The following PHRF1 variants were observed in gnomAD, a reference collection of about 807,000 sequenced individuals.
The protein encoded by PHRF1 is PHD and RING finger domain-containing protein 1.
A neutral mutation model predicts 128.9 loss-of-function variants in PHRF1; 53 were observed. The ratio of observed to expected loss-of-function variants is 0.41; its 90% CI spans 0.33 to 0.52. PHRF1 has a LOEUF of 0.52. Among genes scored for constraint, PHRF1 ranks in the 20% least tolerant of loss-of-function variants. The pLI, the probability that PHRF1 is intolerant of heterozygous loss-of-function variation, is 0.21. For synonymous variants in PHRF1, 1,178 were observed against 980.6 expected, an observed-to-expected ratio of 1.20 and a Z score of -3.76; for missense variants, 2,503 against 2,284.5, an observed-to-expected ratio of 1.10 and a Z score of -1.95.
At chr11:590,512 C>T (rs12295981) in intron 4 of PHRF1, among the ~76,000 whole-genome samples, 15 of 151,974 alleles carry the variant, frequency 9.9e-5, no homozygotes, top group African/African-American at 2.4e-4. Flanking sequence ...GGGAAGGGCC[C>T]GAAGACCAGG....
At position 596,967 on chromosome 11, in the gene PHRF1, T is replaced by C; in HGVS notation, c.665T>C (p.Val222Ala). The C allele has an allele frequency of 6.2e-7, 1 of 1,613,808 alleles. No individual in the cohort carries two copies. The change falls in exon 7 of 18, where the codon GTG (valine) becomes GCG (alanine). Residue 222 changes from valine to alanine, a missense_variant. Val to Ala is a moderately conservative substitution (Grantham distance 64). Transcript: ENST00000264555. ...CLDPPLQEVP[V>A]DEWFCPECAA... ...GACCCCCCTCTCCAGGAGGTGCCGG[T>C]GGACGAGTGGTTCTGCCCGGAATGT...
At chr11:581,826 C>T (rs1359545947) in intron 2 of PHRF1, 136 bp from the exon 3 acceptor site, 4 of 1,309,346 alleles carry the variant, frequency 3.1e-6, no homozygotes, top group South Asian at 3.1e-5. Flanking sequence ...CTTGTGCCCC[C>T]ACCTTGCCGG....
intron 9 of PHRF1, among the ~76,000 whole-genome samples, chr11:599,211 CTG>C (rs1289955302): frequency 6.7e-6 from 1 of 150,020 alleles, no homozygotes; most frequent in Non-Finnish European, 1.5e-5. Context: ...TAGAAATTAA[CTG>C]TATTGAAGCA....
chr11:608,600 G>A lies in PHRF1; in HGVS notation c.3144G>A (p.Lys1048=). ...GEERPRRQRS[K]AKSRRSSSDR... is the part of the protein sequence containing the mutation. The stretch of plus-strand genomic sequence containing the variant: ...AGCGCCCCAGGAGGCAGCGGTCCAA[G>A]GCCAAGAGCCGGCGGTCCTCCAGTG... Residue 1048 remains lysine, a synonymous_variant, in exon 14 of 18, where the codon AAG becomes AAA. Coordinates refer to ENST00000264555, the MANE Select transcript of PHRF1 (RefSeq NM_001286581.2). 1 of 1,612,286 alleles carries A rather than the reference G, an allele frequency of 6.2e-7. No individual in the cohort carries two copies. Among genetic ancestry groups the A allele is most frequent in the African/African-American group, 1.3e-5 (1 of 75,056 alleles).
chr11:598,205 C>G (rs12419720), intron 8 of PHRF1, among the ~76,000 whole-genome samples, 168 bp from the exon 9 acceptor site: 36,210 of 152,172 alleles, frequency 0.24, 4,647 homozygotes, highest in African/African-American at 0.32. Flanking sequence ...TTGGCAGCCT[C>G]TGGCAGGGGA....
chr11:608,352 G>T lies in PHRF1; in HGVS notation c.2896G>T (p.Val966Leu), dbSNP rs1428290442. The change falls in exon 14 of 18, where the codon GTG becomes TTG. Residue 966 changes from valine to leucine, a missense_variant. Coordinates refer to ENST00000264555, the MANE Select transcript of PHRF1 (RefSeq NM_001286581.2). The stretch of plus-strand genomic sequence containing the variant: ...GCGGACGGTGACCTGTGTGACTGTC[G>T]TGGAGCCGGAAGCCCCACCCAGCCC... ...EERTVTCVTV[V>L]EPEAPPSPDV... The T allele has an allele frequency of 3.7e-6, 6 of 1,610,068 alleles. No homozygotes were observed. The African/African-American group carries it at 6.7e-5, about 18-fold the overall frequency.
At chr11:580,105 G>A (rs1299660249) in intron 1 of PHRF1, among the ~76,000 whole-genome samples, 5 of 152,200 alleles carry the variant, frequency 3.3e-5, no homozygotes, top group African/African-American at 9.7e-5. Context: ...ATCATGGATG[G>A]AGGTTGGACT....
At chr11:592,475 T>G in intron 5 of PHRF1, 84 bp from the exon 6 acceptor site, 3 of 1,359,218 alleles carry the variant, frequency 2.2e-6, no homozygotes, top group Non-Finnish European at 3.2e-6. Flanking sequence ...AATGGGTGGA[T>G]TCTGGATTAA....
At chr11:577,230 C>T (rs1853920757) in intron 1 of PHRF1, among the ~76,000 whole-genome samples, 2 of 152,304 alleles carry the variant, frequency 1.3e-5, no homozygotes, top group African/African-American at 4.8e-5. Context: ...GATTGGAGCC[C>T]AGAAAGGCTA....
Position 611,732 on chromosome 11 carries a change from A to G in PHRF1, c.4905A>G (p.Lys1635=). The change falls in exon 18 of 18, where the codon AAA becomes AAG. Residue 1635 remains lysine, a synonymous_variant. Transcript: ENST00000264555. ...DKYRHMRRHK[K]PEAGEEPPTQ... ...ACAGGCACATGCGCAGGCACAAGAAACCAGAGGCCGGGGAGGAGCCGCCCA... is the reference window on the plus strand; with the variant it reads ...ACAGGCACATGCGCAGGCACAAGAAGCCAGAGGCCGGGGAGGAGCCGCCCA... 6.2e-7 allele frequency: 1 copy of G among 1,612,610 alleles called. No individual in the cohort carries two copies. Among genetic ancestry groups the G allele is most frequent in the Non-Finnish European group, 8.5e-7 (1 of 1,179,692 alleles).
intron 1 of PHRF1, 59 bp from the exon 2 acceptor site, chr11:581,433 C>T (rs1209360897): frequency 6.7e-7 from 1 of 1,491,424 alleles, no homozygotes; most frequent in East Asian, 2.3e-5. Flanking sequence ...CATAACTCTT[C>T]AGAGGGTTCT....
rs1287409488 is a variant in PHRF1 at position 607,136 on chromosome 11, G to A, written c.1680G>A (p.Gln560=). ...RGEEGFKGCL[Q]PRALPSGSPA... Reference sequence around the variant, plus strand: ...AAGAAGGATTCAAGGGCTGCCTGCAGCCCCGAGCACTGCCCTCCGGGAGCC... The same window carrying A: ...AAGAAGGATTCAAGGGCTGCCTGCAACCCCGAGCACTGCCCTCCGGGAGCC... Residue 560 remains glutamine, a synonymous_variant, in exon 14 of 18, where the codon CAG becomes CAA. Coordinates refer to ENST00000264555, the MANE Select transcript of PHRF1 (RefSeq NM_001286581.2). The A allele has an allele frequency of 1.9e-6, 3 of 1,612,824 alleles. No homozygotes were observed. Among genetic ancestry groups the A allele is most frequent in the African/African-American group, 1.3e-5 (1 of 74,940 alleles).
rs1437772767 is a variant in PHRF1 at position 600,512 on chromosome 11, A to ATATATATATG, written c.1025-1055_1025-1054insATGTATATAT. 2.0e-4 allele frequency among the ~76,000 whole-genome samples: 29 copies of ATATATATATG among 144,536 alleles called. 1 individual carries two copies. The highest frequency in any genetic ancestry group is 7.1e-4 in the African/African-American group (27 of 38,088). The allele number at this position is 144,536 out of a possible 152,430, so 94.8% of individuals were successfully genotyped here. On this transcript the variant is annotated intron_variant, in intron 9 of 17. Coordinates refer to ENST00000264555, the MANE Select transcript of PHRF1 (RefSeq NM_001286581.2). Reference sequence around the variant, plus strand: ...TCCAAAAATATATATATATATATATATATATATGGTTTATTTCTCCGTTTA... The same window carrying ATATATATATG: ...TCCAAAAATATATATATATATATATATATATATATGTATATATGGTTTATTTCTCCGTTTA...
intron 9 of PHRF1, among the ~76,000 whole-genome samples, chr11:600,397 T>C (rs1855557750): frequency 6.6e-6 from 1 of 151,056 alleles, no homozygotes; most frequent in African/African-American, 2.4e-5. Context: ...CCCAGCACTT[T>C]GGGAGGCTGG....
At chr11:590,157 C>G (rs573751811) in intron 4 of PHRF1, among the ~76,000 whole-genome samples, 1 of 152,340 alleles carries the variant, frequency 6.6e-6, no homozygotes, top group Non-Finnish European at 1.5e-5. Context: ...CTGGGAACCC[C>G]AGTCCCACCA....
Position 608,713 on chromosome 11 carries a change from G to C in PHRF1, c.3257G>C (p.Arg1086Pro). The change falls in exon 14 of 18, where the codon CGG becomes CCG. Residue 1086 changes from arginine (R) to proline (P), a missense_variant. By Grantham distance (103) the Arg-to-Pro change is moderately radical. Coordinates refer to ENST00000264555, the MANE Select transcript of PHRF1 (RefSeq NM_001286581.2). ...EHRRGPWGHS[R>P]RTSRSRSGSP... is the part of the protein sequence containing the mutation. ...AGGCGGGGCCCCTGGGGCCACAGCC[G>C]GAGGACGTCCCGGTCGCGGTCGGGG... is the stretch of plus-strand genomic sequence containing the variant. 6.2e-7 allele frequency: 1 copy of C among 1,611,200 alleles called. No individual in the cohort carries two copies. The highest frequency in any genetic ancestry group is 8.5e-7 in the Non-Finnish European group (1 of 1,179,358).
At position 609,259 on chromosome 11, in the gene PHRF1, G is replaced by T; in HGVS notation, c.3803G>T (p.Gly1268Val). Reference sequence around the variant, plus strand: ...GATTATGGCGACTCCGTGGAGGCCGGACACGTCTTTGATGATTTCTCAAGC... The same window carrying T: ...GATTATGGCGACTCCGTGGAGGCCGTACACGTCTTTGATGATTTCTCAAGC... ...DLDYGDSVEA[G>V]HVFDDFSSDA... The change falls in exon 14 of 18, where the codon GGA (glycine) becomes GTA (valine). Residue 1268 changes from glycine (G) to valine (V), a missense_variant. By Grantham distance (109) the Gly-to-Val change is moderately radical. Transcript: ENST00000264555. 1.2e-6 allele frequency: 2 copies of T among 1,611,990 alleles called. No individual in the cohort carries two copies. The highest frequency in any genetic ancestry group is 1.7e-6 in the Non-Finnish European group (2 of 1,179,886).
rs374545495 is a variant in PHRF1, at chr11:601,592, C to G, written c.1043C>G (p.Pro348Arg). 19 of 1,613,412 alleles carry G rather than the reference C, an allele frequency of 1.2e-5. No individual in the cohort carries two copies. The Admixed American group carries it at 2.8e-4, about 24-fold the overall frequency. Reference protein sequence around the residue: ...KRKTRRRKKVPGRKKTPSGPS... With the variant: ...KRKTRRRKKVRGRKKTPSGPS... ...TCCTTAGGAAGACGGAAGAAAGTGC[C>G]GGGAAGAAAGAAAACCCCGTCCGGA... Residue 348 changes from proline to arginine, a missense_variant, in exon 10 of 18, where the codon CCG becomes CGG. Physicochemically the swap from Pro to Arg is moderately radical, Grantham distance 103. Transcript: ENST00000264555.
intron 1 of PHRF1, among the ~76,000 whole-genome samples, chr11:579,022 T>C (rs1466641594): frequency 2.6e-5 from 4 of 152,184 alleles, no homozygotes; most frequent in African/African-American, 9.7e-5. Flanking sequence ...TCTATTTTAG[T>C]AGAGATGGGG....
Sources: gnomAD v4.1 joint callset for allele counts (sites outside exome capture counted in the v4.1 genomes callset) on GRCh38, gnomAD v4.1.1 for gene constraint, MANE v1.5 for transcripts, NCBI Gene and HGNC (gene_info 2026-07-23, HGNC 2026-07-21) for gene names.